The following CNTN5 variants were observed in gnomAD, a reference collection of about 807,000 sequenced individuals.
CNTN5 encodes contactin-5.
A neutral mutation model predicts 129.1 loss-of-function variants in CNTN5; 77 were observed. The ratio of observed to expected loss-of-function variants is 0.60; its 90% CI spans 0.50 to 0.72. The LOEUF (loss-of-function observed/expected upper bound fraction) is 0.72, where lower values mean the gene tolerates loss of function less well. CNTN5 is among the 30% of genes least tolerant of loss of function. The probability of loss-of-function intolerance (pLI) is 0.00; values close to 1 mark genes in which losing one functional copy is unlikely to be tolerated. For synonymous variants in CNTN5, 509 were observed against 465.6 expected, an observed-to-expected ratio of 1.09 and a Z score of -1.20; for missense variants, 1,478 against 1,328.8, an observed-to-expected ratio of 1.11 and a Z score of -1.75.
At chr11:99,839,077 C>T (rs969780669) in intron 4 of CNTN5, among the ~76,000 whole-genome samples, 2 of 151,852 alleles carry the variant, frequency 1.3e-5, no homozygotes, top group Admixed American at 6.6e-5. Flanking sequence ...ATATAAAAGG[C>T]ATGTTTACTT....
intron 13 of CNTN5, among the ~76,000 whole-genome samples, chr11:100,119,999 G>A (rs1259033243): frequency 4.0e-5 from 6 of 151,838 alleles, no homozygotes; most frequent in African/African-American, 1.2e-4. Context: ...TAATCTATAT[G>A]CAGTTTTGCA....
At chr11:99,227,803 T>C (rs1860771597) in intron 1 of CNTN5, among the ~76,000 whole-genome samples, 1 of 152,180 alleles carries the variant, frequency 6.6e-6, no homozygotes, top group Admixed American at 6.5e-5. Context: ...ATATATAATT[T>C]TTCAATTCAG....
chr11:99,143,699 G>A (rs1264275787), intron 1 of CNTN5, among the ~76,000 whole-genome samples: 1 of 152,034 alleles, frequency 6.6e-6, no homozygotes, highest in Non-Finnish European at 1.5e-5. Flanking sequence ...AACATTTTGG[G>A]GATTTAGTAA....
chr11:99,902,483 G>GA (rs1285518732), intron 6 of CNTN5, among the ~76,000 whole-genome samples: 7 of 151,828 alleles, frequency 4.6e-5, no homozygotes, highest in African/African-American at 7.3e-5. Flanking sequence ...TTGATTTACA[G>GA]AAAAAAATGT....
intron 6 of CNTN5, among the ~76,000 whole-genome samples, chr11:99,906,525 A>G (rs927937020): frequency 9.2e-5 from 14 of 152,184 alleles, no homozygotes; most frequent in African/African-American, 2.6e-4. Context: ...AAGCTTTTTG[A>G]TGTGCTGCTG....
chr11:100,275,185 TA>T (rs1200860846), intron 18 of CNTN5, among the ~76,000 whole-genome samples: 6 of 152,338 alleles, frequency 3.9e-5, no homozygotes, highest in African/African-American at 1.4e-4. Flanking sequence ...TTGCCTATTA[TA>T]AGTTGTTTTT....
chr11:100,288,347 A>C (rs1950853203), intron 18 of CNTN5, among the ~76,000 whole-genome samples: 1 of 152,122 alleles, frequency 6.6e-6, no homozygotes, highest in East Asian at 1.9e-4. Context: ...AAAATTGACC[A>C]CATACTTGGA....
chr11:99,135,154 GAAGT>G (rs1168959682), intron 1 of CNTN5, among the ~76,000 whole-genome samples: 2 of 152,152 alleles, frequency 1.3e-5, no homozygotes, highest in South Asian at 2.1e-4. Context: ...TAATCAGCAA[GAAGT>G]AAGACAAGGT....
intron 16 of CNTN5, among the ~76,000 whole-genome samples, chr11:100,251,463 T>C (rs1163195594): frequency 6.6e-6 from 1 of 152,106 alleles, no homozygotes; most frequent in Non-Finnish European, 1.5e-5. Flanking sequence ...TATTTAAAAC[T>C]ATGGATATTG....
intron 3 of CNTN5, among the ~76,000 whole-genome samples, chr11:99,771,373 T>C (rs762798955): frequency 6.6e-6 from 1 of 151,940 alleles, no homozygotes; most frequent in African/African-American, 2.4e-5. Context: ...TAAATACATA[T>C]ATGTACATAC....
At chr11:99,766,217 G>A (rs1301904421) in intron 3 of CNTN5, among the ~76,000 whole-genome samples, 7 of 151,950 alleles carry the variant, frequency 4.6e-5, no homozygotes, top group African/African-American at 1.7e-4. Context: ...GGTATTTCTG[G>A]AAGTTGCCTT....
chr11:99,178,749 A>G (rs1449973287), intron 1 of CNTN5, among the ~76,000 whole-genome samples: 1 of 152,160 alleles, frequency 6.6e-6, no homozygotes, highest in African/African-American at 2.4e-5. Flanking sequence ...TCATTCATCT[A>G]TAAAATGGGT....
chr11:99,448,988 G>T (rs537534612), intron 2 of CNTN5, among the ~76,000 whole-genome samples: 1 of 151,728 alleles, frequency 6.6e-6, no homozygotes, highest in Admixed American at 6.6e-5. Context: ...TTTCCATGTT[G>T]CCCAGGCTGG....
intron 1 of CNTN5, among the ~76,000 whole-genome samples, chr11:99,315,279 A>G (rs1438277847): frequency 6.7e-6 from 1 of 149,648 alleles, no homozygotes; most frequent in Non-Finnish European, 1.5e-5. Flanking sequence ...CATTCTGAAC[A>G]TTATTTTGTG....
intron 13 of CNTN5, among the ~76,000 whole-genome samples, chr11:100,168,776 T>C (rs1165486236): frequency 6.6e-6 from 1 of 152,002 alleles, no homozygotes; most frequent in Non-Finnish European, 1.5e-5. Flanking sequence ...TAAGCTAACA[T>C]AGATAGTAAT....
chr11:100,094,523 C>A (rs188710383), intron 13 of CNTN5, among the ~76,000 whole-genome samples: 19 of 152,102 alleles, frequency 1.2e-4, no homozygotes, highest in Non-Finnish European at 2.6e-4. Flanking sequence ...ATAATATTTC[C>A]CTAATCACTG....
rs1032981077 is a variant in CNTN5 at position 99,558,298 on chromosome 11, G to A, written c.55+2029G>A. 7.1e-6 allele frequency: 3 copies of A among 421,240 alleles called. No homozygotes were observed. In the East Asian group the frequency reaches 2.2e-4, roughly 31 times the overall value. 26.1% of individuals were successfully genotyped at this position (421,240 alleles called of 1,614,324 possible). The stretch of plus-strand genomic sequence containing the variant: ...CTCTTGAACTTATAAGCCAACTGAA[G>A]GAGATGGAGGTAGGGTTGCAAGATG... On this transcript the variant is annotated intron_variant, in intron 3 of 24. Coordinates refer to ENST00000524871, the MANE Select transcript of CNTN5 (RefSeq NM_014361.4).
intron 24 of CNTN5, among the ~76,000 whole-genome samples, chr11:100,355,079 GTTTTAC>G (rs1051017812): frequency 6.6e-6 from 1 of 151,446 alleles, no homozygotes; most frequent in Non-Finnish European, 1.5e-5. Context: ...TACTGTAACT[GTTTTAC>G]TTTATAAACT....
In CNTN5 at chr11:99,693,150, A is replaced by G. The variant is rs75170505; in HGVS notation, c.56-126394A>G. ...GTACTTCTAGCTATTTTTGAAAGTA[A>G]TGTAGTCTTCAAAGAAAAACATTAA... On this transcript the variant is annotated intron_variant, in intron 3 of 24. Coordinates refer to ENST00000524871, the MANE Select transcript of CNTN5 (RefSeq NM_014361.4). 1.0e-3 allele frequency among the ~76,000 whole-genome samples: 158 copies of G among 152,310 alleles called. 1 individual carries two copies. Among genetic ancestry groups the G allele is most frequent in the African/African-American group, 3.6e-3 (150 of 41,590 alleles).
Sources: allele counts gnomAD v4.1 joint callset (sites outside exome capture counted in the v4.1 genomes callset), GRCh38; gene constraint gnomAD v4.1.1; transcripts MANE v1.5; gene names NCBI Gene and HGNC (gene_info 2026-07-23, HGNC 2026-07-21).